The following LMO4 variants were observed in gnomAD, a reference collection of about 807,000 sequenced individuals.
LMO4 encodes the protein LIM domain transcription factor LMO4.
LMO4 carries 3 observed loss-of-function variants against 18.5 expected under a neutral mutation model. The ratio of observed to expected loss-of-function variants is 0.16; its 90% CI spans 0.07 to 0.42. The LOEUF (loss-of-function observed/expected upper bound fraction) is 0.42. Among genes scored for constraint, LMO4 ranks in the 10% least tolerant of loss-of-function variants. The pLI is 0.99. For synonymous variants in LMO4, 100 were observed against 88.1 expected, an observed-to-expected ratio of 1.14 and a Z score of -0.76; for missense variants, 121 against 219.9, an observed-to-expected ratio of 0.55 and a Z score of 2.84.
chr1:87,339,458 A>G, intron 2 of LMO4, 78 bp from the exon 3 acceptor site: 1 of 967,878 alleles, frequency 1.0e-6, no homozygotes, highest in Non-Finnish European at 1.6e-6. Context: ...AGGGATGCCC[A>G]GAGTCTGGGG....
At position 87,346,956 on chromosome 1, in the gene LMO4, TTTTGGCATAAGCACTTATGTCCC is replaced by T. The variant is rs1650652551; in HGVS notation, c.*2162_*2184del. On this transcript the variant is annotated 3_prime_UTR_variant, in exon 5 of 5. Transcript: ENST00000370544. ...AGATTGCAGGCATTTTCTATATTCT[TTTTGGCATAAGCACTTATGTCCC>T]TGATATGTACAAATTCAAAGGAGGT... 1 of 152,188 alleles carries T rather than the reference TTTTGGCATAAGCACTTATGTCCC, an allele frequency of 6.6e-6. No homozygotes were observed. Among genetic ancestry groups the T allele is most frequent in the Non-Finnish European group, 1.5e-5 (1 of 68,038 alleles). 9.4% of individuals were successfully genotyped at this position (152,188 alleles called of 1,614,324 possible).
rs775691900 is a variant in LMO4 at position 87,347,778 on chromosome 1, TCTAA to T, written c.*2985_*2988del. On this transcript the variant is annotated 3_prime_UTR_variant, in exon 5 of 5. Transcript: ENST00000370544. ...AAAAGGGTTTAATGTTTTTTACCTA[TCTAA>T]CTGTCTAATTAGATTTACACATCCC... The T allele has an allele frequency of 4.6e-5, 7 of 152,222 alleles. No individual in the cohort carries two copies. The highest frequency in any genetic ancestry group is 8.8e-5 in the Non-Finnish European group (6 of 68,036). 9.4% of individuals were successfully genotyped at this position (152,222 alleles called of 1,614,324 possible). A position where few individuals can be genotyped will look rare whatever the true frequency, so the allele number is the denominator to read the frequency against.
At chr1:87,335,291 C>T (rs1034117507) in intron 2 of LMO4, among the ~76,000 whole-genome samples, 1 of 152,172 alleles carries the variant, frequency 6.6e-6, no homozygotes, top group African/African-American at 2.4e-5. Flanking sequence ...GGAGGAAGTT[C>T]GGAGACCGGC....
chr1:87,337,948 C>CAAG (rs1269002619), intron 2 of LMO4, among the ~76,000 whole-genome samples: 4 of 152,192 alleles, frequency 2.6e-5, no homozygotes, highest in Non-Finnish European at 5.9e-5. Flanking sequence ...TCTGATTCTG[C>CAAG]AAGAACGTGT....
rs1375727518 is a variant in LMO4 at position 87,339,610 on chromosome 1, A to G, written c.311A>G (p.Gln104Arg). 7 of 1,612,708 alleles carry G rather than the reference A, an allele frequency of 4.3e-6. No homozygotes were observed. Among genetic ancestry groups the G allele is most frequent in the South Asian group, 1.1e-5 (1 of 91,040 alleles). Residue 104 changes from glutamine to arginine, a missense_variant, in exon 3 of 5, where the codon CAA (glutamine) becomes CGA (arginine). Gln to Arg is a conservative substitution (Grantham distance 43). Transcript: ENST00000370544. ...GCGAGTGAACTCGTCATGAGGGCGC[A>G]AGGCAATGTGTATCATCTTAAGGTA... ...IPASELVMRAQGNVYHLKCFT... is the reference protein window; with the variant it reads ...IPASELVMRARGNVYHLKCFT...
intron 1 of LMO4, among the ~76,000 whole-genome samples, chr1:87,330,224 C>T (rs1052699354): frequency 2.0e-5 from 3 of 151,874 alleles, no homozygotes; most frequent in African/African-American, 4.8e-5. Flanking sequence ...TATATATTTA[C>T]CTCTCACTAA....
intron 1 of LMO4, chr1:87,331,134 G>C (rs879565690): frequency 1.5e-4 from 20 of 137,670 alleles, no homozygotes; most frequent in Non-Finnish European, 2.4e-4. Context: ...GGGCAGATTA[G>C]TGAGACCAAA....
At chr1:87,339,417 C>T (rs1650408432) in intron 2 of LMO4, 119 bp from the exon 3 acceptor site, 1 of 658,082 alleles carries the variant, frequency 1.5e-6, no homozygotes. Flanking sequence ...AGGCTTGAGC[C>T]TAAGAATTCA....
At chr1:87,329,651 A>G (rs1338334937) in intron 1 of LMO4, among the ~76,000 whole-genome samples, 2 of 152,274 alleles carry the variant, frequency 1.3e-5, no homozygotes, top group East Asian at 1.9e-4. Flanking sequence ...AGTAAACACT[A>G]TTTTTGAAAC....
chr1:87,341,701 A>G (rs757992257), intron 4 of LMO4, among the ~76,000 whole-genome samples: 18 of 152,216 alleles, frequency 1.2e-4, no homozygotes, highest in Non-Finnish European at 2.2e-4. Context: ...TGTTAATTAC[A>G]TGACATTATG....
Position 87,339,522 on chromosome 1 carries a change from A to T in LMO4, c.237-14A>T, listed in dbSNP as rs1408740571. Reference sequence around the variant, plus strand: ...GGATTATTCACTGGTGTCAACCGTTATTCTTTGTTTCAGGTTATTTGGAAA... The same window carrying T: ...GGATTATTCACTGGTGTCAACCGTTTTTCTTTGTTTCAGGTTATTTGGAAA... On this transcript the variant is annotated splice_polypyrimidine_tract_variant and intron_variant, in intron 2 of 4. Transcript: ENST00000370544. The T allele has an allele frequency of 6.3e-7, 1 of 1,599,326 alleles. No homozygotes were observed. The highest frequency in any genetic ancestry group is 1.7e-5 in the Admixed American group (1 of 59,916).
At chr1:87,333,146 G>C (rs1221942147) in intron 2 of LMO4, among the ~76,000 whole-genome samples, 8 of 152,166 alleles carry the variant, frequency 5.3e-5, no homozygotes, top group Non-Finnish European at 8.8e-5. Context: ...CAGGAGGTCA[G>C]GTGCCTATAG....
intron 2 of LMO4, among the ~76,000 whole-genome samples, chr1:87,335,775 G>C (rs758739312): frequency 6.6e-6 from 1 of 151,650 alleles, no homozygotes; most frequent in African/African-American, 2.4e-5. Flanking sequence ...CCAATAGGAC[G>C]TGCTAGGTAA....
At chr1:87,341,724 T>C (rs1346251941) in intron 4 of LMO4, among the ~76,000 whole-genome samples, 1 of 152,218 alleles carries the variant, frequency 6.6e-6, no homozygotes, top group Non-Finnish European at 1.5e-5. Flanking sequence ...CACTTTAATT[T>C]ACTAATATGG....
chr1:87,332,389 T>C, intron 2 of LMO4, 138 bp downstream of exon 2: 2 of 657,370 alleles, frequency 3.0e-6, no homozygotes, highest in Non-Finnish European at 5.3e-6. Context: ...GTTGGCGGAA[T>C]TTAAGGGGTT....
At chr1:87,333,767 A>G (rs932002990) in intron 2 of LMO4, among the ~76,000 whole-genome samples, 1 of 152,202 alleles carries the variant, frequency 6.6e-6, no homozygotes, top group African/African-American at 2.4e-5. Flanking sequence ...CAGCAGGAAC[A>G]TGGGTGTAAT....
rs1028376589 is a variant in LMO4, at chr1:87,346,894, G to A, written c.*2098G>A. 3 of 152,166 alleles carry A rather than the reference G, an allele frequency of 2.0e-5. No homozygotes were observed. Among genetic ancestry groups the A allele is most frequent in the African/African-American group, 7.2e-5 (3 of 41,430 alleles). 9.4% of individuals were successfully genotyped at this position (152,166 alleles called of 1,614,324 possible). A position where few individuals can be genotyped will look rare whatever the true frequency, so the allele number is the denominator to read the frequency against. On this transcript the variant is annotated 3_prime_UTR_variant, in exon 5 of 5. Transcript: ENST00000370544. ...TCCTTTAAGGAACTTTCTGAAGGAAGTTAGACTGCGATGGTAAAGGGGGAA... is the reference window on the plus strand; with the variant it reads ...TCCTTTAAGGAACTTTCTGAAGGAAATTAGACTGCGATGGTAAAGGGGGAA...
At chr1:87,341,454 A>C (rs1338588675) in intron 4 of LMO4, among the ~76,000 whole-genome samples, 1 of 152,246 alleles carries the variant, frequency 6.6e-6, no homozygotes, top group Admixed American at 6.5e-5. Flanking sequence ...ATCACAAAAA[A>C]AACAACATTT....
At chr1:87,338,773 T>C (rs532564704) in intron 2 of LMO4, among the ~76,000 whole-genome samples, 8 of 152,212 alleles carry the variant, frequency 5.3e-5, no homozygotes, top group South Asian at 2.1e-4. Context: ...CAGAGAGATA[T>C]GATGACAAAT....
Sources: allele counts gnomAD v4.1 joint callset (sites outside exome capture counted in the v4.1 genomes callset), GRCh38; gene constraint gnomAD v4.1.1; transcripts MANE v1.5; gene names NCBI Gene and HGNC (gene_info 2026-07-23, HGNC 2026-07-21).